ZNF337: variants seen among roughly 807,000 people sequenced by gnomAD.
ZNF337 encodes the protein zinc finger protein 337.
ZNF337 carries 8 observed loss-of-function variants against 12.1 expected under a neutral mutation model. The observed-to-expected ratio is 0.66, with a 90% CI of 0.39 to 1.19. The LOEUF (loss-of-function observed/expected upper bound fraction) is 1.19, where lower values mean the gene tolerates loss of function less well. ZNF337 is among the 50% of genes most tolerant of loss of function. ZNF337 has a pLI of 0.01. For missense variants in ZNF337, 882 were observed against 896.6 expected, an observed-to-expected ratio of 0.98 and a Z score of 0.21; for synonymous variants, 336 against 320.0, an observed-to-expected ratio of 1.05 and a Z score of -0.53.
At chr20:25,693,580 T>TA (rs1482645532) in intron 1 of ZNF337, among the ~76,000 whole-genome samples, 1 of 152,170 alleles carries the variant, frequency 6.6e-6, no homozygotes, top group Non-Finnish European at 1.5e-5. Flanking sequence ...GCAGCCTGAA[T>TA]AAAGCACTGA....
chr20:25,681,836 T>C (rs1451116767), intron 4 of ZNF337, among the ~76,000 whole-genome samples: 1 of 152,216 alleles, frequency 6.6e-6, no homozygotes, highest in Non-Finnish European at 1.5e-5. Flanking sequence ...TACTTATTGA[T>C]ATGCATGCTG....
Position 25,689,622 on chromosome 20 carries a change from A to C in ZNF337, c.-49-3156T>G, listed in dbSNP as rs7273366. Among the ~76,000 whole-genome samples, 524 of 152,328 alleles carry C rather than the reference A, an allele frequency of 3.4e-3. 5 individuals are homozygous for C. The highest frequency in any genetic ancestry group is 0.012 in the African/African-American group (493 of 41,582). On this transcript the variant is annotated intron_variant, in intron 1 of 4. Coordinates refer to ENST00000252979, the MANE Select transcript of ZNF337 (RefSeq NM_015655.4). ...CTTACGGTATGCAAGTTACACCTCA[A>C]CACTGATTAAAAATCCTCTCAGAGA...
rs2065644112 is a variant in ZNF337, at chr20:25,673,912, T to C, written c.*1120A>G. ...ACATCTGCCACAGCATTCTCTATCA[T>C]TGAGGCATTTTCTCAGGAAATCACC... is the stretch of plus-strand genomic sequence containing the variant. On this transcript the variant is annotated 3_prime_UTR_variant, in exon 5 of 5. Transcript: ENST00000252979. 1 of 152,358 alleles carries C rather than the reference T, an allele frequency of 6.6e-6. No homozygotes were observed. Among genetic ancestry groups the C allele is most frequent in the African/African-American group, 2.4e-5 (1 of 41,584 alleles). 9.4% of individuals were successfully genotyped at this position (152,358 alleles called of 1,614,324 possible).
chr20:25,696,430 G>A (rs1312215529), intron 1 of ZNF337, among the ~76,000 whole-genome samples: 1 of 152,094 alleles, frequency 6.6e-6, no homozygotes, highest in East Asian at 1.9e-4. Context: ...GTCCCCACCC[G>A]AGGAGCGGCG....
chr20:25,678,815 T>C (rs533326456), intron 4 of ZNF337, among the ~76,000 whole-genome samples: 43 of 152,158 alleles, frequency 2.8e-4, no homozygotes, highest in African/African-American at 9.6e-4. Flanking sequence ...CTGGGCATGG[T>C]GGCACATGCC....
rs779513514 is a variant in ZNF337 at position 25,676,560 on chromosome 20, C to T, written c.728G>A (p.Arg243Gln). ...GAGGTTGGCCTTGAGGCTGAAGCCT[C>T]GCCCACACACACTGCACACATAGGA... Reference protein sequence around the residue: ...EKSYVCSVCGRGFSLKANLLR... With the variant: ...EKSYVCSVCGQGFSLKANLLR... The change falls in exon 5 of 5, where the codon CGA (arginine) becomes CAA (glutamine). Residue 243 changes from arginine to glutamine, a missense_variant. Arg to Gln is a conservative substitution (Grantham distance 43). Transcript: ENST00000252979. 9 of 1,614,066 alleles carry T rather than the reference C, an allele frequency of 5.6e-6. No individual in the cohort carries two copies. The highest frequency in any genetic ancestry group is 2.2e-5 in the East Asian group (1 of 44,888).
intron 4 of ZNF337, 196 bp from the exon 5 acceptor site, chr20:25,677,233 G>A: frequency 3.7e-6 from 2 of 538,262 alleles, no homozygotes; most frequent in Non-Finnish European, 6.4e-6. Context: ...TAAAAGGCCA[G>A]CATTATCCTG....
At chr20:25,683,142 A>G (rs1299245190) in intron 4 of ZNF337, among the ~76,000 whole-genome samples, 5 of 152,200 alleles carry the variant, frequency 3.3e-5, no homozygotes, top group African/African-American at 1.2e-4. Context: ...AGCCAGTAAA[A>G]CAGCATGAAA....
At chr20:25,696,213 TC>T (rs1842463467) in intron 1 of ZNF337, among the ~76,000 whole-genome samples, 1 of 150,676 alleles carries the variant, frequency 6.6e-6, no homozygotes, top group African/African-American at 2.4e-5. Flanking sequence ...CAGCGGCCCT[TC>T]CCCAAAACAC....
intron 1 of ZNF337, among the ~76,000 whole-genome samples, chr20:25,694,171 T>C (rs916148987): frequency 6.6e-6 from 1 of 152,220 alleles, no homozygotes; most frequent in African/African-American, 2.4e-5. Flanking sequence ...CAGGGACGGT[T>C]CCAGGCGTGG....
rs1201716663 is a variant in ZNF337, at chr20:25,675,838, CTGAG to C, written c.1446_1449del (p.His482GlnfsTer25). On this transcript the variant is annotated frameshift_variant, in exon 5 of 5. Transcript: ENST00000252979. LOFTEE classifies it low-confidence loss of function (END_TRUNC). Reference sequence around the variant, plus strand: ...TCCCGACATCCATAAGGCTTCTCCTCTGAGTGTGTCCTCTGGTGTAAAGTGAAGG... The same window carrying C: ...TCCCGACATCCATAAGGCTTCTCCTCTGTGTCCTCTGGTGTAAAGTGAAGG... 4 of 1,614,088 alleles carry C rather than the reference CTGAG, an allele frequency of 2.5e-6. No homozygotes were observed. The highest frequency in any genetic ancestry group is 1.7e-6 in the Non-Finnish European group (2 of 1,180,042).
At chr20:25,685,803 C>A in intron 3 of ZNF337, 141 bp from the exon 4 acceptor site, 1 of 1,162,610 alleles carries the variant, frequency 8.6e-7, no homozygotes, top group East Asian at 2.3e-5. Context: ...GCTCAGAGTA[C>A]AAACCCCCAG....
chr20:25,679,641 C>G (rs1453604024), intron 4 of ZNF337, among the ~76,000 whole-genome samples: 2 of 151,626 alleles, frequency 1.3e-5, no homozygotes, highest in Non-Finnish European at 2.9e-5. Context: ...TGGCTATTAT[C>G]AAAAAGAGAA....
At chr20:25,687,407 C>T (rs960388736) in intron 1 of ZNF337, among the ~76,000 whole-genome samples, 10 of 152,152 alleles carry the variant, frequency 6.6e-5, no homozygotes, top group African/African-American at 1.2e-4. Context: ...AGAGTATTCA[C>T]TATACTTTTA....
At chr20:25,691,715 A>T (rs1286276660) in intron 1 of ZNF337, among the ~76,000 whole-genome samples, 1 of 151,902 alleles carries the variant, frequency 6.6e-6, no homozygotes, top group East Asian at 1.9e-4. Context: ...AATGTTACAG[A>T]CTCTCACTGT....
At chr20:25,685,493 TG>T in intron 4 of ZNF337, 73 bp downstream of exon 4, 1 of 1,302,638 alleles carries the variant, frequency 7.7e-7, no homozygotes, top group South Asian at 1.2e-5. Flanking sequence ...CCAGGTCCCC[TG>T]GCCTCAGAGA....
chr20:25,696,086 A>ATC (rs2065923970), intron 1 of ZNF337, among the ~76,000 whole-genome samples: 1 of 60,344 alleles, frequency 1.7e-5, no homozygotes. Context: ...CCCCACGCAG[A>ATC]TCCCCCCCCC....
rs142558926 is a variant in ZNF337, at chr20:25,690,798, T to G, written c.-49-4332A>C. Among the ~76,000 whole-genome samples the G allele has an allele frequency of 3.7e-4, 56 of 152,300 alleles. 1 individual carries two copies. In the East Asian group the frequency reaches 9.6e-3, roughly 26 times the overall value. On this transcript the variant is annotated intron_variant, in intron 1 of 4. Coordinates refer to ENST00000252979, the MANE Select transcript of ZNF337 (RefSeq NM_015655.4). ...GCTCCAAAAAGGCCTGAGAAAATCT[T>G]AAACCTTCTCCTCAGATTGATCCCA...
chr20:25,684,415 C>T (rs557175312), intron 4 of ZNF337, among the ~76,000 whole-genome samples: 24 of 151,600 alleles, frequency 1.6e-4, no homozygotes, highest in African/African-American at 4.8e-4. Flanking sequence ...CAAATCAAAA[C>T]CACAATGAGA....
Sources: gnomAD v4.1 joint callset for allele counts (sites outside exome capture counted in the v4.1 genomes callset) on GRCh38, gnomAD v4.1.1 for gene constraint, MANE v1.5 for transcripts, NCBI Gene and HGNC (gene_info 2026-07-23, HGNC 2026-07-21) for gene names.